CPS1: variants seen among roughly 807,000 people sequenced by gnomAD.
CPS1 encodes the protein carbamoyl-phosphate synthase 1.
CPS1 carries 109 observed loss-of-function variants against 174.6 expected under a neutral mutation model. The ratio of observed to expected loss-of-function variants is 0.62; its 90% CI spans 0.53 to 0.73. CPS1 has a LOEUF of 0.73. Among genes scored for constraint, CPS1 ranks in the 30% least tolerant of loss-of-function variants. The pLI is 0.00. For missense variants in CPS1, 1,689 were observed against 1,821.9 expected, an observed-to-expected ratio of 0.93 and a Z score of 1.33; for synonymous variants, 637 against 632.0, an observed-to-expected ratio of 1.01 and a Z score of -0.12.
At chr2:210,675,618 A>G in intron 35 of CPS1, 110 bp from the exon 36 acceptor site, 1 of 723,206 alleles carries the variant, frequency 1.4e-6, no homozygotes, top group Non-Finnish European at 2.6e-6. Context: ...ATGGCACTAT[A>G]CTACTTCTCA....
intron 1 of CPS1, chr2:210,477,829 A>G (rs1195487369): frequency 5.1e-6 from 8 of 1,565,164 alleles, no homozygotes; most frequent in Non-Finnish European, 8.8e-7. Flanking sequence ...AGCAACTCAC[A>G]AGAGAGAAAA....
intron 1 of CPS1, among the ~76,000 whole-genome samples, chr2:210,538,941 T>C (rs1218811301): frequency 6.6e-6 from 1 of 152,108 alleles, no homozygotes; most frequent in Non-Finnish European, 1.5e-5. Context: ...ATAATACCCC[T>C]TCAGACCTTT....
At chr2:210,494,626 A>G (rs1694946750) in intron 1 of CPS1, among the ~76,000 whole-genome samples, 2 of 152,092 alleles carry the variant, frequency 1.3e-5, no homozygotes, top group Non-Finnish European at 1.5e-5. Context: ...TCAATAAATG[A>G]ATGCAAAAAA....
At chr2:210,497,165 T>G (rs955916475) in intron 1 of CPS1, among the ~76,000 whole-genome samples, 4 of 152,154 alleles carry the variant, frequency 2.6e-5, no homozygotes, top group South Asian at 4.1e-4. Flanking sequence ...AGATTTAAAT[T>G]TTTAAAAAAT....
chr2:210,509,253 T>C (rs1400052947), intron 1 of CPS1, among the ~76,000 whole-genome samples: 2 of 151,972 alleles, frequency 1.3e-5, no homozygotes, highest in Non-Finnish European at 2.9e-5. Context: ...CATAATCCAG[T>C]ATATAAACAG....
chr2:210,639,847 T>C, intron 23 of CPS1, 149 bp from the exon 24 acceptor site: 1 of 651,382 alleles, frequency 1.5e-6, no homozygotes, highest in Non-Finnish European at 2.7e-6. Flanking sequence ...TATAACACTT[T>C]ATACTTATGG....
At chr2:210,630,645 A>G (rs1699838002) in intron 21 of CPS1, among the ~76,000 whole-genome samples, 1 of 152,214 alleles carries the variant, frequency 6.6e-6, no homozygotes, top group Non-Finnish European at 1.5e-5. Context: ...CTGTATAGAA[A>G]CAGCCATGGT....
At chr2:210,597,867 C>T (rs1346606263) in intron 13 of CPS1, among the ~76,000 whole-genome samples, 4 of 150,656 alleles carry the variant, frequency 2.7e-5, no homozygotes, top group Non-Finnish European at 5.9e-5. Flanking sequence ...CACATGCATG[C>T]ATACACATAG....
At chr2:210,557,944 T>C (rs1032469534) in intron 1 of CPS1, among the ~76,000 whole-genome samples, 2 of 149,272 alleles carry the variant, frequency 1.3e-5, no homozygotes, top group Non-Finnish European at 3.0e-5. Context: ...CTGCCAGGGA[T>C]AGGGATGGGA....
intron 19 of CPS1, 146 bp from the exon 20 acceptor site, chr2:210,611,971 C>CTTTTTT: frequency 1.7e-6 from 1 of 594,376 alleles, no homozygotes; most frequent in Non-Finnish European, 2.8e-6. Context: ...AAAGGAACAC[C>CTTTTTT]TTTTTTTTTT....
chr2:210,544,899 A>T (rs1321560502), intron 1 of CPS1, among the ~76,000 whole-genome samples: 4 of 149,498 alleles, frequency 2.7e-5, no homozygotes, highest in East Asian at 2.0e-4. Context: ...TGCCTAGTAC[A>T]TTTTTTTTTT....
At chr2:210,618,138 A>T (rs1055380862) in intron 21 of CPS1, 2 of 152,084 alleles carry the variant, frequency 1.3e-5, no homozygotes, top group African/African-American at 2.4e-5. Context: ...ATAGTGAAAA[A>T]GGTCCTTGGA....
At chr2:210,552,489 AG>A (rs1368869535), upstream of CPS1, among the ~76,000 whole-genome samples, 3 of 152,016 alleles carry the variant, frequency 2.0e-5, no homozygotes, top group African/African-American at 7.2e-5. Context: ...CCAACTTCTT[AG>A]AGTTGTTTCT....
chr2:210,588,116 T>C lies in CPS1; in HGVS notation c.680T>C (p.Ile227Thr). ...PTKVVAVDCG[I>T]KNNVIRLLVK... ...AAAGTGGTAGCTGTAGACTGTGGGA[T>C]TAAAAACAATGTAATCCGCCTGCTA... The change falls in exon 7 of 38, where the codon ATT becomes ACT. Residue 227 changes from isoleucine (I) to threonine (T), a missense_variant. Physicochemically the swap from Ile to Thr is moderately conservative, Grantham distance 89. Transcript: ENST00000233072. 6.2e-7 allele frequency: 1 copy of C among 1,612,990 alleles called. No individual in the cohort carries two copies. The highest frequency in any genetic ancestry group is 8.5e-7 in the Non-Finnish European group (1 of 1,179,242).
At position 210,559,654 on chromosome 2, in the gene CPS1, A is replaced by G. The variant is rs561357082; in HGVS notation, c.126+2795A>G. ...GAAAATGTTCAGCACTCATTATTAC[A>G]TTCAGCAGGCTGTAACAGTGTAATA... is the stretch of plus-strand genomic sequence containing the variant. On this transcript the variant is annotated intron_variant, in intron 1 of 37. Coordinates refer to ENST00000233072, the MANE Select transcript of CPS1 (RefSeq NM_001875.5). Among the ~76,000 whole-genome samples the G allele has an allele frequency of 1.4e-4, 22 of 152,300 alleles. No homozygotes were observed. The South Asian group carries it at 4.6e-3, about 32-fold the overall frequency.
At chr2:210,519,718 A>T (rs987141027) in intron 1 of CPS1, 40 of 984,464 alleles carry the variant, frequency 4.1e-5, no homozygotes, top group South Asian at 4.7e-5. Context: ...TTGAAACTTT[A>T]GTTCAAAAGC....
intron 1 of CPS1, among the ~76,000 whole-genome samples, chr2:210,571,855 T>TG (rs1697502586): frequency 1.4e-5 from 2 of 139,740 alleles, no homozygotes; most frequent in East Asian, 4.4e-4. Context: ...CTACTAAAGT[T>TG]TGTGTGTGTG....
At chr2:210,490,960 C>T (rs1022507857) in intron 1 of CPS1, among the ~76,000 whole-genome samples, 1 of 152,186 alleles carries the variant, frequency 6.6e-6, no homozygotes. Context: ...TCCCTAGGAT[C>T]CCTCATCTGT....
rs1456610013 is a variant in CPS1 at position 210,678,736 on chromosome 2, T to C, written c.*751T>C. On this transcript the variant is annotated 3_prime_UTR_variant, in exon 38 of 38. Coordinates refer to ENST00000233072, the MANE Select transcript of CPS1 (RefSeq NM_001875.5). ...GACTATGGATTTCTTTAAGGAATACTGGTTTGCAGTTTTGTTTTCTGGACT... is the reference window on the plus strand; with the variant it reads ...GACTATGGATTTCTTTAAGGAATACCGGTTTGCAGTTTTGTTTTCTGGACT... 3 of 152,400 alleles carry C rather than the reference T, an allele frequency of 2.0e-5. No individual in the cohort carries two copies. Among genetic ancestry groups the C allele is most frequent in the African/African-American group, 7.2e-5 (3 of 41,460 alleles). The allele number at this position is 152,400 out of a possible 1,614,324, so 9.4% of individuals were successfully genotyped here.
Sources: allele counts gnomAD v4.1 joint callset (sites outside exome capture counted in the v4.1 genomes callset), GRCh38; gene constraint gnomAD v4.1.1; transcripts MANE v1.5; gene names NCBI Gene and HGNC (gene_info 2026-07-23, HGNC 2026-07-21).